ZMYM2: variants seen among roughly 807,000 people sequenced by gnomAD.
ZMYM2 encodes zinc finger MYM-type protein 2.
Under a neutral mutation model 162.8 loss-of-function variants are expected in ZMYM2, and 56 were observed. The ratio of observed to expected loss-of-function variants is 0.34; its 90% CI spans 0.28 to 0.43. The LOEUF (loss-of-function observed/expected upper bound fraction) is 0.43, where lower values mean the gene tolerates loss of function less well. ZMYM2 is among the 20% of genes least tolerant of loss of function. The pLI, the probability that ZMYM2 is intolerant of heterozygous loss-of-function variation, is 1.00. For synonymous variants in ZMYM2, 510 were observed against 541.6 expected (o/e 0.94, Z 0.81); for missense variants, 1,275 against 1,621.8 (o/e 0.79, Z 3.67).
chr13:19,961,078 G>C (rs191121739), intron 2 of ZMYM2, among the ~76,000 whole-genome samples: 2 of 149,558 alleles, frequency 1.3e-5, no homozygotes, highest in Admixed American at 6.6e-5. Flanking sequence ...CCTATGGCGT[G>C]TATTGAGCCC....
chr13:19,958,337 C>T (rs1954704236), upstream of ZMYM2, among the ~76,000 whole-genome samples: 1 of 152,056 alleles, frequency 6.6e-6, no homozygotes, highest in Non-Finnish European at 1.5e-5. Context: ...CGGGCGAGGG[C>T]AGGCGGCCCC....
the ZMYM2 span, among the ~76,000 whole-genome samples, chr13:19,896,868 T>G: frequency 4.7e-5 from 7 of 148,240 alleles, 1 homozygote; most frequent in African/African-American, 1.8e-4. Flanking sequence ...TCATCAGGAG[T>G]TCGAGACCAG....
the ZMYM2 span, among the ~76,000 whole-genome samples, chr13:19,890,732 C>T: frequency 2.6e-5 from 4 of 151,432 alleles, no homozygotes; most frequent in African/African-American, 9.8e-5. Context: ...ATTAGCCAGG[C>T]ATGGTGGCAG....
At chr13:20,049,851 G>C (rs1955155293) in intron 12 of ZMYM2, among the ~76,000 whole-genome samples, 1 of 151,962 alleles carries the variant, frequency 6.6e-6, no homozygotes, top group Admixed American at 6.6e-5. Context: ...GCATTGTTCG[G>C]AATCAGTGAA....
At chr13:19,959,651 C>T (rs1472828104) in intron 1 of ZMYM2, among the ~76,000 whole-genome samples, 2 of 152,160 alleles carry the variant, frequency 1.3e-5, no homozygotes, top group Non-Finnish European at 2.9e-5. Flanking sequence ...ATACAAATCC[C>T]TTGCTGGCGT....
intron 6 of ZMYM2, among the ~76,000 whole-genome samples, chr13:20,012,077 G>A (rs1402800576): frequency 1.3e-5 from 2 of 152,048 alleles, no homozygotes; most frequent in African/African-American, 4.8e-5. Context: ...GTAGAGATGG[G>A]GTTCCACCAT....
At chr13:19,888,638 T>G in the ZMYM2 span, among the ~76,000 whole-genome samples, 1 of 151,924 alleles carries the variant, frequency 6.6e-6, no homozygotes, top group African/African-American at 2.4e-5. Context: ...TGCCTCTTGT[T>G]CCCCAGGCTG....
chr13:19,933,996 AC>A, the ZMYM2 span, among the ~76,000 whole-genome samples: 1 of 152,060 alleles, frequency 6.6e-6, no homozygotes, highest in African/African-American at 2.4e-5. Context: ...TCATATTAGG[AC>A]TTTTTTCTCT....
chr13:19,980,934 G>T (rs1249406313), intron 2 of ZMYM2, among the ~76,000 whole-genome samples: 1 of 151,850 alleles, frequency 6.6e-6, no homozygotes, highest in African/African-American at 2.4e-5. Flanking sequence ...TTGGAATTAG[G>T]TTTGTTTTTG....
the ZMYM2 span, among the ~76,000 whole-genome samples, chr13:19,869,465 C>A: frequency 3.9e-5 from 6 of 152,038 alleles, no homozygotes; most frequent in Admixed American, 2.0e-4. Flanking sequence ...TATATATTAG[C>A]TATATAAGCA....
intron 6 of ZMYM2, among the ~76,000 whole-genome samples, chr13:20,018,581 A>G (rs543551626): frequency 1.3e-5 from 2 of 152,164 alleles, no homozygotes; most frequent in South Asian, 4.1e-4. Flanking sequence ...TCTGAAGTGT[A>G]TTGATACACT....
chr13:20,006,125 C>T (rs1047995267), intron 5 of ZMYM2, among the ~76,000 whole-genome samples: 3 of 151,602 alleles, frequency 2.0e-5, no homozygotes, highest in South Asian at 2.1e-4. Context: ...CTCAGCTACT[C>T]GGGAGGCTGA....
intron 2 of ZMYM2, among the ~76,000 whole-genome samples, chr13:19,969,130 A>G (rs73426080): frequency 0.026 from 3,973 of 152,296 alleles, 178 homozygotes; most frequent in African/African-American, 0.091. Context: ...ATGTATTCTT[A>G]TGATTTTTCC....
chr13:20,039,375 C>T (rs953745220), intron 12 of ZMYM2, among the ~76,000 whole-genome samples: 1 of 152,050 alleles, frequency 6.6e-6, no homozygotes, highest in Admixed American at 6.6e-5. Flanking sequence ...TGCATGCTTC[C>T]AGCTTTTGCC....
At chr13:19,884,430 A>T in the ZMYM2 span, among the ~76,000 whole-genome samples, 2 of 152,120 alleles carry the variant, frequency 1.3e-5, no homozygotes, top group African/African-American at 4.8e-5. Context: ...ACAAAAAAAT[A>T]AGCCAGACGT....
At chr13:19,957,633 G>A (rs1192905549), upstream of ZMYM2, among the ~76,000 whole-genome samples, 1 of 152,254 alleles carries the variant, frequency 6.6e-6, no homozygotes, top group African/African-American at 2.4e-5. Context: ...CGATGCAGCG[G>A]GCTGTGGAGG....
intron 19 of ZMYM2, among the ~76,000 whole-genome samples, chr13:20,065,715 G>A (rs1956623911): frequency 6.6e-6 from 1 of 152,184 alleles, no homozygotes; most frequent in African/African-American, 2.4e-5. Flanking sequence ...GATCGAGGCT[G>A]CAGTGAGCTA....
intron 2 of ZMYM2, among the ~76,000 whole-genome samples, chr13:19,961,512 A>G (rs1194858757): frequency 2.0e-5 from 3 of 152,244 alleles, no homozygotes; most frequent in East Asian, 3.8e-4. Context: ...AGATCTTTCA[A>G]ATAGATGGAT....
rs898501097 is a variant in ZMYM2 at position 20,006,148 on chromosome 13, G to A, written c.1300-226G>A. Among the ~76,000 whole-genome samples the A allele has an allele frequency of 2.6e-5, 4 of 151,920 alleles. No individual in the cohort carries two copies. In the East Asian group the frequency reaches 5.8e-4, roughly 22 times the overall value. On this transcript the variant is annotated intron_variant, in intron 5 of 24. Transcript: ENST00000610343. Reference sequence around the variant, plus strand: ...CTCGGGAGGCTGAGGTAGGAGGATTGCTTGAGCCCAGGGGATTGAGGCTGC... The same window carrying A: ...CTCGGGAGGCTGAGGTAGGAGGATTACTTGAGCCCAGGGGATTGAGGCTGC...
Sources: allele counts gnomAD v4.1 joint callset (sites outside exome capture counted in the v4.1 genomes callset), GRCh38; gene constraint gnomAD v4.1.1; transcripts MANE v1.5; gene names NCBI Gene and HGNC (gene_info 2026-07-23, HGNC 2026-07-21).